Variants in SOD2 observed in about 807,000 individuals in gnomAD.
SOD2 encodes the protein superoxide dismutase 2.
Under a neutral mutation model 27.0 loss-of-function variants are expected in SOD2, and 11 were observed. That is an observed-to-expected ratio of 0.41 (90% CI 0.26 to 0.67). SOD2 has a LOEUF of 0.67. SOD2 is among the 30% of genes least tolerant of loss of function. The pLI is 0.34. For synonymous variants in SOD2, 105 were observed against 103.0 expected (o/e 1.02, Z -0.12); for missense variants, 250 against 274.5 (o/e 0.91, Z 0.63).
intron 1 of SOD2, among the ~76,000 whole-genome samples, chr6:159,698,559 G>A (rs1447307627): frequency 1.2e-4 from 15 of 120,482 alleles, no homozygotes; most frequent in Admixed American, 1.1e-3. Context: ...GTAACAGAGT[G>A]AGACCTTGTC....
chr6:159,733,437 C>T (rs557370153), intron 1 of SOD2, among the ~76,000 whole-genome samples: 1 of 145,814 alleles, frequency 6.9e-6, no homozygotes, highest in Non-Finnish European at 1.5e-5. Context: ...GGCAGCATGG[C>T]GAAACCCTGT....
At chr6:159,712,249 C>T (rs1777812442) in intron 1 of SOD2, among the ~76,000 whole-genome samples, 1 of 133,036 alleles carries the variant, frequency 7.5e-6, no homozygotes, top group African/African-American at 2.7e-5. Context: ...CTCTGATCAC[C>T]CTAACCACCT....
chr6:159,738,710 G>A (rs1376743230), intron 1 of SOD2, among the ~76,000 whole-genome samples: 3 of 151,984 alleles, frequency 2.0e-5, no homozygotes, highest in Non-Finnish European at 2.9e-5. Context: ...CCTCACCAGC[G>A]TTTGGTGTTG....
chr6:159,728,305 C>G (rs1437665303), upstream of SOD2, among the ~76,000 whole-genome samples: 5 of 151,874 alleles, frequency 3.3e-5, no homozygotes, highest in African/African-American at 9.7e-5. Flanking sequence ...TCTGTGTACA[C>G]GTAATGGAAA....
At position 159,704,374 on chromosome 6, in the gene SOD2, A is replaced by G. The variant is rs548908459; in HGVS notation, c.-115-11511T>C. On this transcript the variant is annotated intron_variant, in intron 1 of 2. Transcript: ENST00000401980. ...AAGGGATCAGGGAATTCACTTTCATAGCCAAGCAAAGCTGTGACAGACGGC... is the reference window on the plus strand; with the variant it reads ...AAGGGATCAGGGAATTCACTTTCATGGCCAAGCAAAGCTGTGACAGACGGC... Among the ~76,000 whole-genome samples the G allele has an allele frequency of 2.6e-5, 4 of 152,358 alleles. No homozygotes were observed. The East Asian group carries it at 7.7e-4, about 29-fold the overall frequency.
upstream of SOD2, among the ~76,000 whole-genome samples, chr6:159,730,433 G>A (rs1778496588): frequency 6.6e-6 from 1 of 151,642 alleles, no homozygotes; most frequent in South Asian, 2.1e-4. Context: ...TATTGTGTTT[G>A]TCATTTGCGC....
chr6:159,710,288 T>TATATATATATATATATAA (rs1323477194), intron 1 of SOD2, among the ~76,000 whole-genome samples: 3 of 147,798 alleles, frequency 2.0e-5, no homozygotes, highest in African/African-American at 7.5e-5. Context: ...TATATATATA[T>TATATATATATATATATAA]AAAATACAAA....
intron 4 of SOD2, among the ~76,000 whole-genome samples, 162 bp from the exon 5 acceptor site, chr6:159,682,800 A>G (rs1461578356): frequency 5.3e-5 from 8 of 152,256 alleles, no homozygotes; most frequent in Non-Finnish European, 1.2e-4. Context: ...ATAAGAATGA[A>G]TATTCCTATA....
At chr6:159,749,869 C>G (rs148560051), upstream of SOD2, among the ~76,000 whole-genome samples, 2,301 of 152,292 alleles carry the variant, frequency 0.015, 57 homozygotes, top group African/African-American at 0.052. Context: ...TCAGATCATT[C>G]TATAAGTCAC....
At chr6:159,713,392 A>G in intron 1 of SOD2, 1 of 655,794 alleles carries the variant, frequency 1.5e-6, no homozygotes. Flanking sequence ...CTGCACAGCC[A>G]TGAGCTTCTG....
chr6:159,700,749 T>G (rs1476624425), intron 1 of SOD2, among the ~76,000 whole-genome samples: 2 of 152,128 alleles, frequency 1.3e-5, no homozygotes, highest in Non-Finnish European at 2.9e-5. Context: ...AGTCTCTAAG[T>G]ACTAAATGAA....
chr6:159,724,993 G>C (rs1293443809), intron 1 of SOD2, among the ~76,000 whole-genome samples: 1 of 150,886 alleles, frequency 6.6e-6, no homozygotes, highest in African/African-American at 2.4e-5. Context: ...AAGGAAGGAA[G>C]AAAACAAAAC....
chr6:159,731,171 A>G (rs1423321735), upstream of SOD2, among the ~76,000 whole-genome samples: 3 of 151,496 alleles, frequency 2.0e-5, no homozygotes, highest in African/African-American at 7.3e-5. Flanking sequence ...AGAAATTTCA[A>G]TAATTGCAGG....
intron 1 of SOD2, among the ~76,000 whole-genome samples, chr6:159,708,960 C>A (rs1304414999): frequency 6.6e-6 from 1 of 152,064 alleles, no homozygotes; most frequent in African/African-American, 2.4e-5. Flanking sequence ...GAAATAATAC[C>A]ACACATCTAC....
intron 1 of SOD2, among the ~76,000 whole-genome samples, chr6:159,739,529 C>G (rs182266054): frequency 6.6e-6 from 1 of 152,238 alleles, no homozygotes; most frequent in East Asian, 1.9e-4. Context: ...AAATGTCTTA[C>G]AAAAGCAGAT....
chr6:159,682,583 A>G lies in SOD2; in HGVS notation c.579T>C (p.Tyr193=), dbSNP rs557996027. The G allele has an allele frequency of 1.7e-4, 277 of 1,613,964 alleles. 5 individuals carry two copies. The South Asian group carries it at 2.8e-3, about 17-fold the overall frequency. Residue 193 remains tyrosine, a synonymous_variant, in exon 5 of 5, where the codon TAT becomes TAC. Transcript: ENST00000538183. The stretch of plus-strand genomic sequence containing the variant: ...TTAGATAATCAGGCCTGACATTTTT[A>G]TACTGAAGGTAGTAAGCGTGCTCCC... ...DVWEHAYYLQ[Y]KNVRPDYLKA...
chr6:159,743,810 T>C (rs1779401827), intron 1 of SOD2: 2 of 1,584,730 alleles, frequency 1.3e-6, no homozygotes, highest in Non-Finnish European at 1.7e-6. Context: ...TTTCAAGTTA[T>C]ATAAATGTCT....
In SOD2 at chr6:159,725,705, A is replaced by T. The variant is rs535660587; in HGVS notation, c.-116+1424T>A. On this transcript the variant is annotated intron_variant, in intron 1 of 2. Transcript: ENST00000401980. ...CAACTAAAAATGTTAAGTTTCCAGG[A>T]TATCCTTCCAATTCCTCCCCGAAAA... is the stretch of plus-strand genomic sequence containing the variant. The T allele has an allele frequency of 2.0e-5, 3 of 151,944 alleles. No individual in the cohort carries two copies. The East Asian group carries it at 5.8e-4, about 29-fold the overall frequency. 9.4% of individuals were successfully genotyped at this position (151,944 alleles called of 1,614,324 possible).
intron 1 of SOD2, among the ~76,000 whole-genome samples, chr6:159,704,543 G>A (rs1777585496): frequency 6.6e-6 from 1 of 152,230 alleles, no homozygotes; most frequent in Non-Finnish European, 1.5e-5. Flanking sequence ...ACAGCAGCCT[G>A]AGATCGAACT....
Sources: gnomAD v4.1 joint callset for allele counts (sites outside exome capture counted in the v4.1 genomes callset) on GRCh38, gnomAD v4.1.1 for gene constraint, MANE v1.5 for transcripts, NCBI Gene and HGNC (gene_info 2026-07-23, HGNC 2026-07-21) for gene names.